CD44: variants seen among roughly 807,000 people sequenced by gnomAD.
CD44 encodes the protein CD44 antigen.
A neutral mutation model predicts 88.8 loss-of-function variants in CD44; 49 were observed. The observed-to-expected ratio is 0.55, with a 90% confidence interval of 0.44 to 0.70. The LOEUF (loss-of-function observed/expected upper bound fraction) is 0.70, where lower values mean the gene tolerates loss of function less well. Among genes scored for constraint, CD44 ranks in the 30% least tolerant of loss-of-function variants. CD44 has a pLI of 0.00. For missense variants in CD44, 883 were observed against 913.8 expected (o/e 0.97, Z 0.43); for synonymous variants, 325 against 312.3 (o/e 1.04, Z -0.43).
rs1652889771 is a variant in CD44 at position 35,145,083 on chromosome 11, T to A, written c.67+5713T>A. On this transcript the variant is annotated intron_variant, in intron 1 of 17. Transcript: ENST00000428726. Reference sequence around the variant, plus strand: ...TACATGCCTGAAGGATCTATGTGTGTGGTGGGAATTGGTGATGCCAAAGAA... The same window carrying A: ...TACATGCCTGAAGGATCTATGTGTGAGGTGGGAATTGGTGATGCCAAAGAA... 3.9e-5 allele frequency among the ~76,000 whole-genome samples: 6 copies of A among 152,322 alleles called. No individual in the cohort carries two copies. In the South Asian group the frequency reaches 1.2e-3, roughly 32 times the overall value.
chr11:35,206,290 T>C, intron 11 of CD44, 47 bp downstream of exon 11: 1 of 1,544,530 alleles, frequency 6.5e-7, no homozygotes, highest in Non-Finnish European at 8.8e-7. Context: ...TGAAATCCAC[T>C]GAGTGACTGC....
chr11:35,191,162 G>A (rs1183311237), intron 5 of CD44, among the ~76,000 whole-genome samples: 2 of 152,162 alleles, frequency 1.3e-5, no homozygotes, highest in African/African-American at 2.4e-5. Context: ...CAAAGAGTGT[G>A]GCAGAAATGC....
chr11:35,159,809 GA>G (rs1265143325), intron 1 of CD44, among the ~76,000 whole-genome samples: 1 of 152,174 alleles, frequency 6.6e-6, no homozygotes, highest in African/African-American at 2.4e-5. Flanking sequence ...ATTCAATTCA[GA>G]GCTCCTTCTC....
rs142079282 is a variant in CD44 at position 35,178,157 on chromosome 11, A to G, written c.233+1417A>G. ...TATTCCCAAGGCTAATTGTTTAATT[A>G]TGGCCCTGACTAGGCCACTGGCCTA... On this transcript the variant is annotated intron_variant, in intron 2 of 17. Coordinates refer to ENST00000428726, the MANE Select transcript of CD44 (RefSeq NM_000610.4). Among the ~76,000 whole-genome samples, 228 of 152,354 alleles carry G rather than the reference A, an allele frequency of 1.5e-3. 1 individual carries two copies. Among genetic ancestry groups the G allele is most frequent in the African/African-American group, 5.3e-3 (221 of 41,578 alleles).
chr11:35,164,605 G>T (rs931149800), intron 1 of CD44, among the ~76,000 whole-genome samples: 1 of 152,140 alleles, frequency 6.6e-6, no homozygotes, highest in Non-Finnish European at 1.5e-5. Flanking sequence ...AGTCTTAACT[G>T]CAGTTTTTGA....
rs1948368546 is a variant in CD44, at chr11:35,211,326, C to G, written c.1687C>G (p.His563Asp). The part of the protein sequence containing the change: ...STTLLEGYTS[H>D]YPHTKESRTF... ...TACTTTACTGGAAGGTTATACCTCTCATTACCCACACACGAAGGAAAGCAG... is the reference window on the plus strand; with the variant it reads ...TACTTTACTGGAAGGTTATACCTCTGATTACCCACACACGAAGGAAAGCAG... The change falls in exon 14 of 18, where the codon CAT becomes GAT. Residue 563 changes from histidine to aspartate, a missense_variant. Around this residue, in one of 2 missense-constraint regions of CD44, gnomAD observed 631 missense variants for 590.9 expected, o/e 1.07. Coordinates refer to ENST00000428726, the MANE Select transcript of CD44 (RefSeq NM_000610.4). 6.2e-7 allele frequency: 1 copy of G among 1,613,822 alleles called. No homozygotes were observed. Among genetic ancestry groups the G allele is most frequent in the African/African-American group, 1.3e-5 (1 of 74,916 alleles).
intron 1 of CD44, among the ~76,000 whole-genome samples, chr11:35,155,211 C>T (rs1941697726): frequency 6.6e-6 from 1 of 152,194 alleles, no homozygotes; most frequent in Non-Finnish European, 1.5e-5. Flanking sequence ...TGACTTAGAC[C>T]AATCATGATC....
chr11:35,167,271 T>TG (rs71044513), intron 1 of CD44, among the ~76,000 whole-genome samples: 18 of 144,712 alleles, frequency 1.2e-4, no homozygotes, highest in African/African-American at 3.1e-4. Flanking sequence ...TGTGTGTGTG[T>TG]TTTTGTTTTT....
intron 1 of CD44, among the ~76,000 whole-genome samples, chr11:35,164,264 G>A (rs200448372): frequency 1.3e-5 from 2 of 149,504 alleles, no homozygotes; most frequent in African/African-American, 5.1e-5. Context: ...TTATCCTGGG[G>A]TTTGACTCCT....
Position 35,214,684 on chromosome 11 carries a change from G to A in CD44, c.1811-168G>A, listed in dbSNP as rs185835164. ...TTATCAGTGGATTAAGCAATGAACG[G>A]TAATTAACATTGTGGACCCATTCAA... is the stretch of plus-strand genomic sequence containing the variant. On this transcript the variant is annotated intron_variant, in intron 14 of 17. Coordinates refer to ENST00000428726, the MANE Select transcript of CD44 (RefSeq NM_000610.4). The A allele has an allele frequency of 4.0e-4, 161 of 404,748 alleles. 1 individual carries two copies. The East Asian group carries it at 4.7e-3, about 12-fold the overall frequency. The allele number at this position is 404,748 out of a possible 1,614,324, so 25.1% of individuals were successfully genotyped here.
chr11:35,221,771 C>T, intron 17 of CD44, 39 bp downstream of exon 17: 1 of 1,548,742 alleles, frequency 6.5e-7, no homozygotes, highest in Non-Finnish European at 8.9e-7. Flanking sequence ...TTGGAAAGGG[C>T]ATCATTTAAA....
intron 1 of CD44, among the ~76,000 whole-genome samples, chr11:35,146,086 C>T (rs1859096389): frequency 6.6e-6 from 1 of 152,152 alleles, no homozygotes; most frequent in Admixed American, 6.5e-5. Flanking sequence ...ACGATGGAAA[C>T]TCACAGAGCC....
chr11:35,192,840 A>G (rs905002286), intron 5 of CD44, among the ~76,000 whole-genome samples: 14 of 145,728 alleles, frequency 9.6e-5, no homozygotes, highest in African/African-American at 3.6e-4. Flanking sequence ...TTGGGTGGGG[A>G]AAATTAGAAA....
At chr11:35,221,880 C>G (rs748523008) in intron 17 of CD44, 148 bp downstream of exon 17, 27 of 707,654 alleles carry the variant, frequency 3.8e-5, no homozygotes, top group Non-Finnish European at 5.3e-5. Flanking sequence ...CAGACCCAAC[C>G]CCAGACCTCC....
rs756109723 is a variant in CD44, at chr11:35,186,869, G to A, written c.405G>A (p.Leu135=). The change falls in exon 4 of 18, where the codon CTG becomes CTA. Residue 135 remains leucine, a synonymous_variant. Coordinates refer to ENST00000428726, the MANE Select transcript of CD44 (RefSeq NM_000610.4). ...AAGATTGTACATCAGTCACAGACCTGCCCAATGCCTTTGATGGACCAATTA... is the reference window on the plus strand; with the variant it reads ...AAGATTGTACATCAGTCACAGACCTACCCAATGCCTTTGATGGACCAATTA... The part of the protein sequence containing the change: ...PEEDCTSVTD[L]PNAFDGPITI... 7.5e-6 allele frequency: 12 copies of A among 1,607,752 alleles called. No individual in the cohort carries two copies. The highest frequency in any genetic ancestry group is 8.5e-7 in the Non-Finnish European group (1 of 1,174,480).
intron 1 of CD44, among the ~76,000 whole-genome samples, chr11:35,176,171 C>T (rs1450642979): frequency 2.6e-5 from 4 of 151,746 alleles, no homozygotes; most frequent in Non-Finnish European, 5.9e-5. Context: ...GCCTCCGGAG[C>T]AGCTGGGACT....
chr11:35,181,898 TA>T (rs1480066715), intron 3 of CD44, among the ~76,000 whole-genome samples: 5,584 of 72,870 alleles, frequency 0.077, 273 homozygotes, highest in African/African-American at 0.089. Flanking sequence ...ATATATAATA[TA>T]ATATATAATA....
At chr11:35,146,348 C>G (rs980450740) in intron 1 of CD44, among the ~76,000 whole-genome samples, 2 of 152,218 alleles carry the variant, frequency 1.3e-5, no homozygotes, top group Non-Finnish European at 2.9e-5. Context: ...TGAGCATCTG[C>G]TGTTGTGGCA....
chr11:35,211,822 A>T (rs537261736), intron 14 of CD44, among the ~76,000 whole-genome samples: 7 of 152,166 alleles, frequency 4.6e-5, no homozygotes, highest in Non-Finnish European at 1.0e-4. Context: ...GAATTTTAGC[A>T]ATTCCGTTTA....
Sources: allele counts gnomAD v4.1 joint callset (sites outside exome capture counted in the v4.1 genomes callset), GRCh38; gene constraint gnomAD v4.1.1; regional missense constraint gnomAD v4.1.1; transcripts MANE v1.5; gene names NCBI Gene and HGNC (gene_info 2026-07-23, HGNC 2026-07-21).